Variants in IRAG1 observed in about 807,000 individuals in gnomAD.
IRAG1 encodes the protein inositol 1,4,5-triphosphate receptor associated 1, also known as IP3R-associated cGMP kinase substrate.
Under a neutral mutation model 106.2 loss-of-function variants are expected in IRAG1, and 62 were observed. The observed-to-expected ratio is 0.58, with a 90% CI of 0.48 to 0.72. The LOEUF is 0.72. Among genes scored for constraint, IRAG1 ranks in the 30% least tolerant of loss-of-function variants. IRAG1 has a pLI of 0.00. For synonymous variants in IRAG1, 462 were observed against 443.9 expected, an observed-to-expected ratio of 1.04 and a Z score of -0.51; for missense variants, 1,064 against 1,140.7, an observed-to-expected ratio of 0.93 and a Z score of 0.97.
chr11:10,584,967 C>T (rs1003263835), intron 18 of IRAG1, among the ~76,000 whole-genome samples: 12 of 152,030 alleles, frequency 7.9e-5, no homozygotes, highest in Middle Eastern at 3.2e-3. Flanking sequence ...ATAAAAAATC[C>T]AGGCAATTAT....
At chr11:10,656,071 T>G (rs924366294) in intron 1 of IRAG1, among the ~76,000 whole-genome samples, 1 of 152,206 alleles carries the variant, frequency 6.6e-6, no homozygotes, top group Non-Finnish European at 1.5e-5. Flanking sequence ...GGGTGACATC[T>G]GGGTTCTGCT....
At chr11:10,610,824 G>C (rs1854893865) in intron 10 of IRAG1, among the ~76,000 whole-genome samples, 2 of 152,194 alleles carry the variant, frequency 1.3e-5, no homozygotes, top group African/African-American at 2.4e-5. Context: ...CTCTTTAGTT[G>C]ACCCAAATCA....
chr11:10,641,954 A>C (rs1589898668), intron 2 of IRAG1, among the ~76,000 whole-genome samples: 1 of 151,574 alleles, frequency 6.6e-6, no homozygotes, highest in South Asian at 2.1e-4. Flanking sequence ...TTTTGGTCTC[A>C]CCTCCCCTGG....
At chr11:10,692,881 A>C (rs1466791374) in intron 1 of IRAG1, among the ~76,000 whole-genome samples, 1 of 152,200 alleles carries the variant, frequency 6.6e-6, no homozygotes, top group African/African-American at 2.4e-5. Flanking sequence ...TCACTCTAGG[A>C]ATCGCTTCAA....
intron 19 of IRAG1, among the ~76,000 whole-genome samples, chr11:10,581,129 T>G (rs1851345582): frequency 6.6e-6 from 1 of 152,154 alleles, no homozygotes. Context: ...AGAGAAACCC[T>G]TGTGGTTTTT....
rs532227083 is a variant in IRAG1 at position 10,582,741 on chromosome 11, A to G, written c.2241-755T>C. On this transcript the variant is annotated intron_variant, in intron 18 of 20. Coordinates refer to ENST00000423302, the MANE Select transcript of IRAG1 (RefSeq NM_130385.4). ...GAGGCCAAGGCGGGCGGATCACCTGAGATCAGGAGTTCGAGACCAGCCTGG... is the reference window on the plus strand; with the variant it reads ...GAGGCCAAGGCGGGCGGATCACCTGGGATCAGGAGTTCGAGACCAGCCTGG... Among the ~76,000 whole-genome samples the G allele has an allele frequency of 3.9e-5, 6 of 152,290 alleles. No individual in the cohort carries two copies. The South Asian group carries it at 1.0e-3, about 26-fold the overall frequency.
At chr11:10,594,026 A>C (rs1036107078) in intron 16 of IRAG1, 120 bp downstream of exon 16, 9 of 969,622 alleles carry the variant, frequency 9.3e-6, no homozygotes, top group Non-Finnish European at 1.4e-5. Context: ...AGCCGAATAG[A>C]AACTCTGTTC....
Position 10,576,154 on chromosome 11 carries a change from A to C in IRAG1, c.*178T>G, listed in dbSNP as rs529688152. On this transcript the variant is annotated 3_prime_UTR_variant, in exon 21 of 21. Coordinates refer to ENST00000423302, the MANE Select transcript of IRAG1 (RefSeq NM_130385.4). ...GGGCAGTTTTGTTGATCCTCCAAGA[A>C]CATCAAGTCACTGTGTATGAATAGC... 1.3e-6 allele frequency: 1 copy of C among 772,950 alleles called. No homozygotes were observed. Among genetic ancestry groups the C allele is most frequent in the East Asian group, 2.8e-5 (1 of 36,280 alleles). 47.9% of individuals were successfully genotyped at this position (772,950 alleles called of 1,614,324 possible).
At chr11:10,606,048 C>T (rs748517986) in intron 12 of IRAG1, among the ~76,000 whole-genome samples, 22 of 152,150 alleles carry the variant, frequency 1.4e-4, no homozygotes, top group Non-Finnish European at 8.8e-5. Context: ...GATGGCTATG[C>T]GTGTGTTATA....
chr11:10,620,112 C>T (rs562202493), intron 10 of IRAG1, among the ~76,000 whole-genome samples: 1 of 151,590 alleles, frequency 6.6e-6, no homozygotes, highest in East Asian at 1.9e-4. Context: ...AATAGTAGCC[C>T]ATGGAAAAAA....
At position 10,693,712 on chromosome 11, in the gene IRAG1, C is replaced by G. The variant is rs1862237168; in HGVS notation, c.-110G>C. Reference sequence around the variant, plus strand: ...AGGGGCTGGGACTTAGAGCCGAGAGCTCCTCTGGGAGCCCCACTCCGGCCT... The same window carrying G: ...AGGGGCTGGGACTTAGAGCCGAGAGGTCCTCTGGGAGCCCCACTCCGGCCT... On this transcript the variant is annotated 5_prime_UTR_variant, in exon 1 of 21. Coordinates refer to ENST00000423302, the MANE Select transcript of IRAG1 (RefSeq NM_130385.4). 12 of 1,302,854 alleles carry G rather than the reference C, an allele frequency of 9.2e-6. No homozygotes were observed. In the South Asian group the frequency reaches 1.6e-4, roughly 17 times the overall value. 80.7% of individuals were successfully genotyped at this position (1,302,854 alleles called of 1,614,324 possible).
intron 1 of IRAG1, among the ~76,000 whole-genome samples, chr11:10,667,078 T>C (rs566125988): frequency 6.6e-6 from 1 of 152,302 alleles, no homozygotes; most frequent in African/African-American, 2.4e-5. Flanking sequence ...TGATAGAATG[T>C]AGAGGAATGT....
chr11:10,687,845 G>A (rs997288204), intron 1 of IRAG1: 11 of 1,270,510 alleles, frequency 8.7e-6, no homozygotes, highest in South Asian at 1.3e-5. Context: ...AGAATAGACA[G>A]TGGGCTAAGG....
intron 1 of IRAG1, among the ~76,000 whole-genome samples, chr11:10,670,129 A>C (rs906885418): frequency 6.6e-6 from 1 of 152,256 alleles, no homozygotes; most frequent in East Asian, 1.9e-4. Context: ...GAGTAGCTAC[A>C]TCTTGAGCTT....
Position 10,640,936 on chromosome 11 carries a change from T to C in IRAG1, c.226-6865A>G, listed in dbSNP as rs1857465325. On this transcript the variant is annotated intron_variant, in intron 2 of 20. Coordinates refer to ENST00000423302, the MANE Select transcript of IRAG1 (RefSeq NM_130385.4). Reference sequence around the variant, plus strand: ...AGAATTAAACAAGTTGATATAGAAATAGGATTTCTGGATAAAGCACAGGAT... The same window carrying C: ...AGAATTAAACAAGTTGATATAGAAACAGGATTTCTGGATAAAGCACAGGAT... Among the ~76,000 whole-genome samples the C allele has an allele frequency of 2.6e-5, 4 of 152,200 alleles. No homozygotes were observed. The South Asian group carries it at 6.2e-4, about 24-fold the overall frequency.
chr11:10,624,263 C>T (rs953020849), intron 9 of IRAG1, among the ~76,000 whole-genome samples: 1 of 151,702 alleles, frequency 6.6e-6, no homozygotes, highest in Non-Finnish European at 1.5e-5. Flanking sequence ...ACAGCTTTGG[C>T]GATCTCATGG....
chr11:10,597,595 G>A (rs532670004), intron 15 of IRAG1, among the ~76,000 whole-genome samples: 7 of 152,234 alleles, frequency 4.6e-5, no homozygotes, highest in South Asian at 2.1e-4. Flanking sequence ...GGCCTCAAGC[G>A]ATCCTTTCAC....
At chr11:10,620,625 G>A (rs757814355) in intron 10 of IRAG1, among the ~76,000 whole-genome samples, 28 of 152,218 alleles carry the variant, frequency 1.8e-4, no homozygotes, top group Non-Finnish European at 4.0e-4. Flanking sequence ...TTAAAACAAT[G>A]ACAATTATTG....
intron 3 of IRAG1, among the ~76,000 whole-genome samples, 186 bp from the exon 4 acceptor site, chr11:10,632,247 G>A (rs528861840): frequency 3.4e-5 from 5 of 145,368 alleles, no homozygotes; most frequent in African/African-American, 7.8e-5. Context: ...GTGCAGTGGC[G>A]CAATCTCAGC....
Sources: allele counts gnomAD v4.1 joint callset (sites outside exome capture counted in the v4.1 genomes callset), GRCh38; gene constraint gnomAD v4.1.1; transcripts MANE v1.5; gene names NCBI Gene and HGNC (gene_info 2026-07-23, HGNC 2026-07-21).